The following ARHGEF9 variants were observed in gnomAD, a reference collection of about 807,000 sequenced individuals.
ARHGEF9 encodes Cdc42 guanine nucleotide exchange factor 9.
Under a neutral mutation model 41.3 loss-of-function variants are expected in ARHGEF9, and 2 were observed. That is an observed-to-expected ratio of 0.05 (90% confidence interval 0.02 to 0.15). The LOEUF (loss-of-function observed/expected upper bound fraction) is 0.15. Ranked by LOEUF, ARHGEF9 falls within the 10% of genes least tolerant of loss-of-function variation. The pLI is 1.00. For synonymous variants in ARHGEF9, 160 were observed against 154.4 expected (o/e 1.04, Z -0.27); for missense variants, 225 against 424.7 (o/e 0.53, Z 4.13).
intron 4 of ARHGEF9, among the ~76,000 whole-genome samples, chrX:63,684,342 G>A (rs1418993720): frequency 9.0e-6 from 1 of 111,081 alleles, no homozygotes; most frequent in African/African-American, 3.3e-5. Flanking sequence ...CTATTAGGAT[G>A]GGTATTATCA....
At chrX:63,700,659 T>C (rs1556394427) in intron 3 of ARHGEF9, among the ~76,000 whole-genome samples, 2 of 110,365 alleles carry the variant, frequency 1.8e-5, no homozygotes, top group Admixed American at 1.9e-4. Flanking sequence ...ACCAAGAAAA[T>C]AGCACACAGC....
intron 1 of ARHGEF9, chrX:63,755,323 T>C: frequency 1.3e-6 from 1 of 773,287 alleles, no homozygotes; most frequent in Non-Finnish European, 1.6e-6. Flanking sequence ...GCAAGCTCGC[T>C]CTCCCCAGAC....
intron 1 of ARHGEF9, chrX:63,743,520 G>T (rs2055087083): frequency 8.9e-6 from 1 of 112,611 alleles, no homozygotes; most frequent in African/African-American, 3.2e-5. Flanking sequence ...TTCTTGTCCT[G>T]CCCCCAGATC....
Position 63,637,719 on chromosome X carries a change from G to A in ARHGEF9, c.*309C>T, listed in dbSNP as rs781871173. 28 of 229,280 alleles carry A rather than the reference G, an allele frequency of 1.2e-4. No homozygotes were observed. The highest frequency in any genetic ancestry group is 2.0e-4 in the Non-Finnish European group (26 of 129,499). 18.9% of individuals were successfully genotyped at this position (229,280 alleles called of 1,213,427 possible). ...TCAACTTCTGAAAGCAAAGGGAAGGGGGACAGGGTAAAAATGGAAAACTTT... is the reference window on the plus strand; with the variant it reads ...TCAACTTCTGAAAGCAAAGGGAAGGAGGACAGGGTAAAAATGGAAAACTTT... On this transcript the variant is annotated 3_prime_UTR_variant, in exon 10 of 10. Transcript: ENST00000671741.
intron 6 of ARHGEF9, among the ~76,000 whole-genome samples, chrX:63,667,138 C>G (rs1274847138): frequency 8.9e-6 from 1 of 112,043 alleles, no homozygotes; most frequent in Admixed American, 9.4e-5. Context: ...ATTAATATTT[C>G]CTGAGCACCT....
chrX:63,770,959 G>A (rs1177857799), intron 1 of ARHGEF9, among the ~76,000 whole-genome samples: 6 of 112,322 alleles, frequency 5.3e-5, no homozygotes, highest in Admixed American at 9.4e-5. Context: ...TATCAGCAGC[G>A]TGAAAACAAA....
At chrX:63,656,762 G>C (rs1360696869) in intron 7 of ARHGEF9, 1 of 111,629 alleles carries the variant, frequency 9.0e-6, no homozygotes, top group Non-Finnish European at 1.9e-5. Flanking sequence ...ACAGTACAGA[G>C]CAGAAAACGG....
At chrX:63,650,440 G>T (rs1433279671) in intron 8 of ARHGEF9, among the ~76,000 whole-genome samples, 1 of 111,165 alleles carries the variant, frequency 9.0e-6, no homozygotes, top group Non-Finnish European at 1.9e-5. Context: ...TCATACATGG[G>T]AGCTGAAAGG....
intron 8 of ARHGEF9, chrX:63,644,258 C>T: frequency 2.9e-6 from 1 of 347,125 alleles, no homozygotes; most frequent in Non-Finnish European, 5.0e-6. Flanking sequence ...AACTTAGCTA[C>T]AAAATGCACA....
chrX:63,743,866 G>A (rs1434315735), intron 1 of ARHGEF9, among the ~76,000 whole-genome samples: 4 of 112,013 alleles, frequency 3.6e-5, no homozygotes, highest in Non-Finnish European at 3.8e-5. Flanking sequence ...GTGTGTGACT[G>A]CATGGGAAAT....
At chrX:63,665,712 C>T (rs1205026256) in intron 7 of ARHGEF9, among the ~76,000 whole-genome samples, 174 bp downstream of exon 7, 1 of 112,179 alleles carries the variant, frequency 8.9e-6, no homozygotes, top group Non-Finnish European at 1.9e-5. Context: ...CCAACCCTGC[C>T]TGTGACATTC....
chrX:63,684,711 C>G (rs782254047), intron 4 of ARHGEF9, among the ~76,000 whole-genome samples: 10 of 109,528 alleles, frequency 9.1e-5, no homozygotes, highest in Admixed American at 2.9e-4. Flanking sequence ...TAATAAATTA[C>G]CTCTATTTTT....
At chrX:63,738,570 C>T (rs1319976967) in intron 1 of ARHGEF9, among the ~76,000 whole-genome samples, 8 of 110,453 alleles carry the variant, frequency 7.2e-5, no homozygotes, top group Non-Finnish European at 1.1e-4. Flanking sequence ...CACCGCATTC[C>T]CCCCACCCCA....
intron 1 of ARHGEF9, 188 bp from the exon 2 acceptor site, chrX:63,724,899 G>C: frequency 2.2e-6 from 1 of 462,637 alleles, no homozygotes. Context: ...TCAACTCTCT[G>C]TTAGCCAGTG....
At chrX:63,664,002 T>C (rs1438875263) in intron 7 of ARHGEF9, among the ~76,000 whole-genome samples, 3 of 112,113 alleles carry the variant, frequency 2.7e-5, no homozygotes, top group Admixed American at 9.4e-5. Context: ...AGAAAGCCTA[T>C]GGTTCTTGTG....
intron 2 of ARHGEF9, among the ~76,000 whole-genome samples, chrX:63,711,709 C>A (rs1164743590): frequency 9.0e-6 from 1 of 111,229 alleles, no homozygotes; most frequent in Non-Finnish European, 1.9e-5. Context: ...TTAAAGAAAA[C>A]ATAGAGGAAA....
At chrX:63,783,300 G>C (rs1423546429) in intron 1 of ARHGEF9, among the ~76,000 whole-genome samples, 6 of 103,294 alleles carry the variant, frequency 5.8e-5, no homozygotes, top group African/African-American at 2.1e-4. Context: ...TTGAGATGGA[G>C]TTTCGCTCTT....
At chrX:63,651,675 G>A (rs1476540384) in intron 8 of ARHGEF9, among the ~76,000 whole-genome samples, 4 of 110,237 alleles carry the variant, frequency 3.6e-5, no homozygotes, top group African/African-American at 1.3e-4. Context: ...GAAACTAGGG[G>A]CCAAAAAAGG....
At chrX:63,767,596 A>G (rs1324569507) in intron 1 of ARHGEF9, among the ~76,000 whole-genome samples, 1 of 112,437 alleles carries the variant, frequency 8.9e-6, no homozygotes, top group Non-Finnish European at 1.9e-5. Context: ...TTTAGTTAAA[A>G]AAAGAAGAAT....
Sources: gnomAD v4.1 joint callset for allele counts (sites outside exome capture counted in the v4.1 genomes callset) on GRCh38, gnomAD v4.1.1 for gene constraint, MANE v1.5 for transcripts, NCBI Gene and HGNC (gene_info 2026-07-23, HGNC 2026-07-21) for gene names.